The following LAMA4 variants were observed in gnomAD, a reference collection of about 807,000 sequenced individuals.
LAMA4 encodes laminin subunit alpha 4.
Under a neutral mutation model 207.1 loss-of-function variants are expected in LAMA4, and 127 were observed. That is an observed-to-expected ratio of 0.61 (90% CI 0.53 to 0.71). LAMA4 has a LOEUF of 0.71. LAMA4 is among the 30% of genes least tolerant of loss of function. LAMA4 has a pLI of 0.00. For synonymous variants in LAMA4, 761 were observed against 816.0 expected (o/e 0.93, Z 1.15); for missense variants, 2,093 against 2,246.5 (o/e 0.93, Z 1.38).
At chr6:112,175,966 G>T (rs192260626) in intron 10 of LAMA4, among the ~76,000 whole-genome samples, 2 of 152,308 alleles carry the variant, frequency 1.3e-5, no homozygotes, top group Admixed American at 6.5e-5. Context: ...TTTAGACAAA[G>T]ATTTGATCAA....
In LAMA4 at chr6:112,130,008, C is replaced by T. The variant is rs781827019; in HGVS notation, c.4001G>A (p.Gly1334Glu). The T allele has an allele frequency of 6.2e-7, 1 of 1,613,264 alleles. No individual in the cohort carries two copies. The highest frequency in any genetic ancestry group is 8.5e-7 in the Non-Finnish European group (1 of 1,179,550). ...TTTCCCTTTGGTAGGATTCTTACTCCCAACTCTGCTTTTATCTACTATCAG... is the reference window on the plus strand; with the variant it reads ...TTTCCCTTTGGTAGGATTCTTACTCTCAACTCTGCTTTTATCTACTATCAG... ...YELIVDKSRV[G>E]SKNPTKGKIE... is the part of the protein sequence containing the mutation. Residue 1334 changes from glycine (G) to glutamate (E), a missense_variant, in exon 30 of 39, where the codon GGG (glycine) becomes GAG (glutamate). This residue lies in a region of LAMA4 where 1,704 missense variants were observed against 1,788.4 expected (regional missense o/e 0.95). Transcript: ENST00000230538.
intron 2 of LAMA4, chr6:112,251,385 A>C (rs1291979168): frequency 1.3e-5 from 2 of 152,242 alleles, no homozygotes; most frequent in African/African-American, 4.8e-5. Flanking sequence ...GCTTAGGAGA[A>C]CCTCAGGAAG....
chr6:112,135,853 G>T (rs948412942), intron 25 of LAMA4: 10 of 393,956 alleles, frequency 2.5e-5, no homozygotes, highest in African/African-American at 1.9e-4. Context: ...AGATATTTAA[G>T]ATTAATAGAA....
chr6:112,108,113 A>G lies in LAMA4; in HGVS notation c.*1324T>C, dbSNP rs140825403. On this transcript the variant is annotated 3_prime_UTR_variant, in exon 39 of 39. Transcript: ENST00000230538. ...ATATATACCAATATGTAATATATATATAATCATTTCAAGGTAACATTGTTT... is the reference window on the plus strand; with the variant it reads ...ATATATACCAATATGTAATATATATGTAATCATTTCAAGGTAACATTGTTT... Among the ~76,000 whole-genome samples the G allele has an allele frequency of 1.6e-3, 239 of 152,250 alleles. No individual in the cohort carries two copies. The highest frequency in any genetic ancestry group is 5.5e-3 in the African/African-American group (229 of 41,536).
intron 2 of LAMA4, among the ~76,000 whole-genome samples, chr6:112,237,457 C>A (rs1288133681): frequency 6.6e-6 from 1 of 152,130 alleles, no homozygotes; most frequent in Non-Finnish European, 1.5e-5. Flanking sequence ...AGCAGAGAAT[C>A]CCTTTTTTAA....
intron 5 of LAMA4, among the ~76,000 whole-genome samples, chr6:112,199,940 C>T (rs1280317531): frequency 4.6e-5 from 7 of 152,282 alleles, no homozygotes; most frequent in South Asian, 4.1e-4. Context: ...TGACTATTTC[C>T]GCTTGGCTCT....
chr6:112,121,868 T>C (rs988631825), intron 32 of LAMA4, 146 bp downstream of exon 32: 2 of 710,728 alleles, frequency 2.8e-6, no homozygotes, highest in Non-Finnish European at 5.1e-6. Context: ...ATAAATCATG[T>C]ACTATTTAGT....
intron 18 of LAMA4, among the ~76,000 whole-genome samples, chr6:112,145,727 C>G (rs1228676956): frequency 2.0e-5 from 3 of 152,150 alleles, no homozygotes; most frequent in African/African-American, 7.2e-5. Flanking sequence ...CTAACAAAGC[C>G]CAAAGCACAG....
chr6:112,199,608 TGGAC>T (rs1388660401), intron 5 of LAMA4, among the ~76,000 whole-genome samples: 5 of 152,164 alleles, frequency 3.3e-5, no homozygotes, highest in African/African-American at 1.2e-4. Flanking sequence ...GAAATTCATG[TGGAC>T]CCTAAGCTCG....
At chr6:112,242,608 A>G (rs1257032006) in intron 2 of LAMA4, among the ~76,000 whole-genome samples, 3 of 152,158 alleles carry the variant, frequency 2.0e-5, no homozygotes, top group African/African-American at 7.2e-5. Context: ...TTCCCAGGTG[A>G]TGCTGATGCT....
At position 112,118,785 on chromosome 6, in the gene LAMA4, C is replaced by CT. The variant is rs367848083; in HGVS notation, c.4821+370dup. Among the ~76,000 whole-genome samples, 52 of 149,684 alleles carry CT rather than the reference C, an allele frequency of 3.5e-4. No homozygotes were observed. The highest frequency in any genetic ancestry group is 1.2e-3 in the African/African-American group (50 of 40,678). On this transcript the variant is annotated intron_variant, in intron 34 of 38. Coordinates refer to ENST00000230538, the MANE Select transcript of LAMA4 (RefSeq NM_001105206.3). This position sits in a 1 kb window ranked among gnomAD's most constrained non-coding sequence, Gnocchi z 4.6. The stretch of plus-strand genomic sequence containing the variant: ...TTGTAGTTTGCATAATGACCTGAAA[C>CT]TTTTTTTTTCACTCAATAATGTATA...
intron 13 of LAMA4, chr6:112,161,882 GAA>G (rs1373420412): frequency 1.3e-5 from 2 of 152,216 alleles, no homozygotes; most frequent in Non-Finnish European, 2.9e-5. Flanking sequence ...CAGTGAGTGA[GAA>G]AAGAGTTGGG....
intron 9 of LAMA4, among the ~76,000 whole-genome samples, chr6:112,181,075 T>C (rs1265256988): frequency 1.3e-5 from 2 of 152,206 alleles, no homozygotes; most frequent in Admixed American, 6.5e-5. Context: ...CTCCAACTGG[T>C]CACCAAGTCT....
At chr6:112,179,831 G>T (rs573050945) in intron 9 of LAMA4, 7 of 496,160 alleles carry the variant, frequency 1.4e-5, no homozygotes, top group South Asian at 1.1e-4. Context: ...AGCCCACTGT[G>T]CAGCGGCAAT....
intron 12 of LAMA4, among the ~76,000 whole-genome samples, chr6:112,167,069 G>A (rs1781423256): frequency 6.6e-6 from 1 of 152,206 alleles, no homozygotes; most frequent in East Asian, 1.9e-4. Flanking sequence ...ACCCTTTGGA[G>A]ATAGAGGTAA....
chr6:112,254,021 T>G lies in LAMA4; in HGVS notation c.130A>C (p.Arg44=). 3 of 1,590,934 alleles carry G rather than the reference T, an allele frequency of 1.9e-6. No individual in the cohort carries two copies. The highest frequency in any genetic ancestry group is 2.6e-6 in the Non-Finnish European group (3 of 1,168,192). ...FDIEGSSAVG[R]QDPPETSEPR... ...TCGCTCGTCTCAGGCGGGTCTTGCCTGCCAACCGCTGAGCTCCCTTCAATG... is the reference window on the plus strand; with the variant it reads ...TCGCTCGTCTCAGGCGGGTCTTGCCGGCCAACCGCTGAGCTCCCTTCAATG... Residue 44 remains arginine, a synonymous_variant, in exon 2 of 39, where the codon AGG becomes CGG. Transcript: ENST00000230538.
At chr6:112,232,502 T>C (rs1226163687) in intron 2 of LAMA4, among the ~76,000 whole-genome samples, 2 of 152,240 alleles carry the variant, frequency 1.3e-5, no homozygotes, top group Non-Finnish European at 2.9e-5. Context: ...TAAATATGTA[T>C]TTTCTTTAAC....
intron 2 of LAMA4, among the ~76,000 whole-genome samples, chr6:112,230,907 GC>G (rs1448438106): frequency 6.6e-6 from 1 of 152,200 alleles, no homozygotes; most frequent in Non-Finnish European, 1.5e-5. Context: ...GAAAACTGAG[GC>G]CTAGCGAAGA....
At chr6:112,244,611 C>T (rs1353037218) in intron 2 of LAMA4, among the ~76,000 whole-genome samples, 1 of 152,162 alleles carries the variant, frequency 6.6e-6, no homozygotes, top group Non-Finnish European at 1.5e-5. Context: ...CCCACATGGC[C>T]TCCCAGGCTG....
Sources: allele counts gnomAD v4.1 joint callset (sites outside exome capture counted in the v4.1 genomes callset), GRCh38; gene constraint gnomAD v4.1.1; regional missense constraint gnomAD v4.1.1; non-coding constraint Gnocchi (gnomAD v3.1); transcripts MANE v1.5; gene names NCBI Gene and HGNC (gene_info 2026-07-23, HGNC 2026-07-21).